The following ARHGEF38 variants were observed in gnomAD, a reference collection of about 807,000 sequenced individuals.
The protein encoded by ARHGEF38 is Rho guanine nucleotide exchange factor (GEF) 38.
A neutral mutation model predicts 79.9 loss-of-function variants in ARHGEF38; 79 were observed. The observed-to-expected ratio is 0.99, with a 90% CI of 0.82 to 1.19. The LOEUF (loss-of-function observed/expected upper bound fraction) is 1.19, where lower values mean the gene tolerates loss of function less well. ARHGEF38 is among the 50% of genes most tolerant of loss of function. The pLI, the probability that ARHGEF38 is intolerant of heterozygous loss-of-function variation, is 0.00. For synonymous variants in ARHGEF38, 366 were observed against 328.3 expected, an observed-to-expected ratio of 1.11 and a Z score of -1.24; for missense variants, 962 against 907.2, an observed-to-expected ratio of 1.06 and a Z score of -0.78.
intron 3 of ARHGEF38, among the ~76,000 whole-genome samples, chr4:105,618,439 T>C (rs1728597224): frequency 6.6e-6 from 1 of 151,980 alleles, no homozygotes; most frequent in Non-Finnish European, 1.5e-5. Flanking sequence ...CTGACCAACA[T>C]GGTGAAACCC....
intron 7 of ARHGEF38, 133 bp from the exon 8 acceptor site, chr4:105,653,932 A>G (rs1730216632): frequency 6.9e-6 from 3 of 436,562 alleles, no homozygotes; most frequent in South Asian, 5.6e-5. Flanking sequence ...GTTAAGACAG[A>G]CAGCATGTCA....
intron 7 of ARHGEF38, among the ~76,000 whole-genome samples, chr4:105,649,725 C>T (rs989982682): frequency 2.6e-5 from 4 of 152,064 alleles, no homozygotes; most frequent in African/African-American, 7.2e-5. Context: ...TTTCTCCTTC[C>T]GTTAAGTCTT....
intron 4 of ARHGEF38, among the ~76,000 whole-genome samples, chr4:105,635,428 G>A (rs367747303): frequency 1.5e-4 from 23 of 151,758 alleles, no homozygotes; most frequent in African/African-American, 5.6e-4. Flanking sequence ...GGTTTTACTT[G>A]GCTAAAATAA....
intron 3 of ARHGEF38, among the ~76,000 whole-genome samples, chr4:105,617,500 A>G (rs571430608): frequency 2.6e-5 from 4 of 152,292 alleles, no homozygotes; most frequent in African/African-American, 4.8e-5. Flanking sequence ...GTATGAAACT[A>G]TACACTCTCT....
Position 105,659,170 on chromosome 4 carries a change from C to A in ARHGEF38, c.1350C>A (p.Tyr450Ter). The change falls in exon 10 of 14, where the codon TAC (tyrosine) becomes TAA (stop). Residue 450 changes from tyrosine to a stop codon, truncating the protein, a stop_gained. Transcript: ENST00000420470. LOFTEE classifies it high-confidence loss of function. ...RYDKLLDCNS[Y>*]LQRSTGEESD... ...ACAAACTGCTGGATTGCAACAGCTACCTGCAGCGATCAACGGGAGAGGAGT... is the reference window on the plus strand; with the variant it reads ...ACAAACTGCTGGATTGCAACAGCTAACTGCAGCGATCAACGGGAGAGGAGT... 2.0e-6 allele frequency: 3 copies of A among 1,536,158 alleles called. No individual in the cohort carries two copies. Among genetic ancestry groups the A allele is most frequent in the Non-Finnish European group, 2.6e-6 (3 of 1,146,878 alleles).
At chr4:105,672,723 A>G (rs946753752) in intron 13 of ARHGEF38, among the ~76,000 whole-genome samples, 1 of 152,178 alleles carries the variant, frequency 6.6e-6, no homozygotes, top group Admixed American at 6.5e-5. Context: ...TGTAGCTGCA[A>G]TCTAGCTGTT....
chr4:105,565,407 C>A (rs1025619076), intron 1 of ARHGEF38, among the ~76,000 whole-genome samples: 1 of 152,136 alleles, frequency 6.6e-6, no homozygotes, highest in African/African-American at 2.4e-5. Flanking sequence ...CTGTGTGAAA[C>A]GTATGTTGGT....
chr4:105,648,038 C>T (rs1261972785), intron 6 of ARHGEF38, among the ~76,000 whole-genome samples: 1 of 151,824 alleles, frequency 6.6e-6, no homozygotes, highest in African/African-American at 2.4e-5. Flanking sequence ...TACAGGCACG[C>T]ACCACCATGC....
intron 1 of ARHGEF38, among the ~76,000 whole-genome samples, chr4:105,567,230 C>A (rs1384531228): frequency 6.6e-6 from 1 of 152,112 alleles, no homozygotes; most frequent in African/African-American, 2.4e-5. Context: ...GTAAGTACTC[C>A]ATTTACACCA....
chr4:105,588,719 C>T (rs984562618), intron 1 of ARHGEF38, among the ~76,000 whole-genome samples: 1 of 152,158 alleles, frequency 6.6e-6, no homozygotes, highest in Non-Finnish European at 1.5e-5. Flanking sequence ...CACTTCTTCA[C>T]TCCTCATGGA....
intron 1 of ARHGEF38, among the ~76,000 whole-genome samples, chr4:105,572,598 T>C (rs1178303403): frequency 6.6e-6 from 1 of 152,172 alleles, no homozygotes; most frequent in Non-Finnish European, 1.5e-5. Context: ...TTCTATGATT[T>C]CGACTATTCT....
At chr4:105,649,310 C>T (rs1729991023) in intron 7 of ARHGEF38, among the ~76,000 whole-genome samples, 1 of 152,140 alleles carries the variant, frequency 6.6e-6, no homozygotes, top group Non-Finnish European at 1.5e-5. Flanking sequence ...AGCAAAGACT[C>T]TTAAACTTTA....
Position 105,552,867 on chromosome 4 carries a change from T to A in ARHGEF38, c.102T>A (p.Thr34=). 1 of 1,613,922 alleles carries A rather than the reference T, an allele frequency of 6.2e-7. No individual in the cohort carries two copies. The highest frequency in any genetic ancestry group is 8.5e-7 in the Non-Finnish European group (1 of 1,179,868). The change falls in exon 1 of 14, where the codon ACT becomes ACA. Residue 34 remains threonine, a synonymous_variant. Transcript: ENST00000420470. ...TCTATATGCTGGAGAGAAGGAAGAC[T>A]GACACTGTGGTTGAGAGCAGTGTTT... ...SRLYMLERRK[T]DTVVESSVSG...
At chr4:105,585,311 C>G (rs770381370) in intron 1 of ARHGEF38, among the ~76,000 whole-genome samples, 4 of 152,078 alleles carry the variant, frequency 2.6e-5, no homozygotes, top group Non-Finnish European at 5.9e-5. Flanking sequence ...GTAAGGAAAC[C>G]AAGGCTCTGT....
chr4:105,635,470 G>C (rs1729361394), intron 4 of ARHGEF38, among the ~76,000 whole-genome samples: 1 of 151,950 alleles, frequency 6.6e-6, no homozygotes, highest in African/African-American at 2.4e-5. Flanking sequence ...CATGTTTTCT[G>C]TAGGAGTTAA....
intron 1 of ARHGEF38, among the ~76,000 whole-genome samples, chr4:105,581,467 A>C (rs1241909492): frequency 6.6e-6 from 1 of 152,020 alleles, no homozygotes; most frequent in African/African-American, 2.4e-5. Flanking sequence ...AACCTCTCTC[A>C]CATATTTTAC....
intron 1 of ARHGEF38, among the ~76,000 whole-genome samples, chr4:105,569,748 C>T (rs926379876): frequency 3.3e-5 from 5 of 152,142 alleles, no homozygotes; most frequent in Admixed American, 3.3e-4. Flanking sequence ...TGTGTGTCAG[C>T]TTCTGCATGC....
At chr4:105,596,275 G>A (rs1727575022) in intron 2 of ARHGEF38, among the ~76,000 whole-genome samples, 1 of 152,166 alleles carries the variant, frequency 6.6e-6, no homozygotes. Context: ...GAGGGAGTTA[G>A]GGAGGGAAAA....
chr4:105,667,665 G>T lies in ARHGEF38; in HGVS notation c.2110G>T (p.Gly704Cys). 1.3e-6 allele frequency: 2 copies of T among 1,536,290 alleles called. No individual in the cohort carries two copies. The highest frequency in any genetic ancestry group is 2.4e-5 in the South Asian group (2 of 84,060). The stretch of plus-strand genomic sequence containing the variant: ...CACATGTGGAAAGTTTGAAACAAAT[G>T]GTACTGATGTTGACAGTTTTCAAGA... ...SGTCGKFETN[G>C]TDVDSFQEVD... The change falls in exon 13 of 14, where the codon GGT becomes TGT. Residue 704 changes from glycine to cysteine, a missense_variant. Transcript: ENST00000420470.
Sources: gnomAD v4.1 joint callset for allele counts (sites outside exome capture counted in the v4.1 genomes callset) on GRCh38, gnomAD v4.1.1 for gene constraint, MANE v1.5 for transcripts, NCBI Gene and HGNC (gene_info 2026-07-23, HGNC 2026-07-21) for gene names.